The following LAMC1 variants were observed in gnomAD, a reference collection of about 807,000 sequenced individuals.
The protein encoded by LAMC1 is laminin subunit gamma 1, also known as laminin subunit gamma-1.
LAMC1 carries 38 observed loss-of-function variants against 173.6 expected under a neutral mutation model. The ratio of observed to expected loss-of-function variants is 0.22; its 90% CI spans 0.17 to 0.29. The LOEUF (loss-of-function observed/expected upper bound fraction) is 0.29. LAMC1 is among the 10% of genes least tolerant of loss of function. LAMC1 has a pLI of 1.00. For synonymous variants in LAMC1, 746 were observed against 749.1 expected (o/e 1.00, Z 0.07); for missense variants, 1,824 against 2,051.8 (o/e 0.89, Z 2.14).
intron 1 of LAMC1, among the ~76,000 whole-genome samples, chr1:183,052,365 C>G (rs1441444692): frequency 5.9e-5 from 9 of 151,932 alleles, no homozygotes; most frequent in Non-Finnish European, 8.8e-5. Context: ...GACACAGTCT[C>G]ACTCTGTCGC....
chr1:183,103,664 T>C, intron 2 of LAMC1, 32 bp downstream of exon 2: 2 of 1,514,298 alleles, frequency 1.3e-6, no homozygotes, highest in Non-Finnish European at 1.8e-6. Context: ...TGAAGCCAGC[T>C]AGTTCTACAA....
chr1:183,136,461 C>A lies in LAMC1; in HGVS notation c.4190C>A (p.Thr1397Asn), dbSNP rs773833588. 2.5e-6 allele frequency: 4 copies of A among 1,614,198 alleles called. No individual in the cohort carries two copies. In the South Asian group the frequency reaches 4.4e-5, roughly 18 times the overall value. The stretch of plus-strand genomic sequence containing the variant: ...AGGAAGATTCCTGCCATCAACCAGA[C>A]CATCACTGAAGCCAATGAAAAGACC... ...ALRKIPAINQ[T>N]ITEANEKTRE... Residue 1397 changes from threonine to asparagine, a missense_variant, in exon 25 of 28, where the codon ACC (threonine) becomes AAC (asparagine). Physicochemically the swap from Thr to Asn is moderately conservative, Grantham distance 65. Coordinates refer to ENST00000258341, the MANE Select transcript of LAMC1 (RefSeq NM_002293.4).
At chr1:183,124,397 A>T (rs142815707) in intron 13 of LAMC1, among the ~76,000 whole-genome samples, 9 of 152,350 alleles carry the variant, frequency 5.9e-5, no homozygotes, top group African/African-American at 2.2e-4. Context: ...CACAACAATT[A>T]AAGTGAAGTA....
Position 183,045,862 on chromosome 1 carries a change from TTAGTGGTTTTATTTA to T in LAMC1, c.418+21731_418+21745del, listed in dbSNP as rs1302344787. On this transcript the variant is annotated intron_variant, in intron 1 of 27. Transcript: ENST00000258341. ...TCATTTGGTGGTATAAAATTGTATC[TTAGTGGTTTTATTTA>T]TAAAGGAGAGTATCTTTTCATGTGT... Among the ~76,000 whole-genome samples, 3 of 152,086 alleles carry T rather than the reference TTAGTGGTTTTATTTA, an allele frequency of 2.0e-5. No individual in the cohort carries two copies. The East Asian group carries it at 5.8e-4, about 29-fold the overall frequency.
chr1:183,085,406 A>G (rs929349945), intron 1 of LAMC1, among the ~76,000 whole-genome samples: 3 of 152,060 alleles, frequency 2.0e-5, no homozygotes, highest in African/African-American at 7.3e-5. Context: ...TATATCACCC[A>G]GGCTGGAGTG....
At chr1:183,049,145 A>T (rs1466860423) in intron 1 of LAMC1, among the ~76,000 whole-genome samples, 1 of 152,214 alleles carries the variant, frequency 6.6e-6, no homozygotes, top group Admixed American at 6.5e-5. Context: ...TTTTCTTACT[A>T]AATCTTCATA....
chr1:183,026,975 C>A (rs919266824), intron 1 of LAMC1, among the ~76,000 whole-genome samples: 1 of 152,128 alleles, frequency 6.6e-6, no homozygotes, highest in Non-Finnish European at 1.5e-5. Flanking sequence ...ATTAATATGA[C>A]CCTCTAGAAA....
At chr1:183,141,907 T>C (rs1381656436) in intron 27 of LAMC1, among the ~76,000 whole-genome samples, 1 of 152,240 alleles carries the variant, frequency 6.6e-6, no homozygotes, top group Non-Finnish European at 1.5e-5. Context: ...AAATGCTGTC[T>C]ATTGTGTCTG....
At chr1:183,072,980 C>G (rs1169555210) in intron 1 of LAMC1, among the ~76,000 whole-genome samples, 2 of 152,134 alleles carry the variant, frequency 1.3e-5, no homozygotes, top group Non-Finnish European at 2.9e-5. Flanking sequence ...ATAATTATTT[C>G]ATTATATATT....
Position 183,116,618 on chromosome 1 carries a change from A to T in LAMC1, c.1370A>T (p.Asn457Ile). The T allele has an allele frequency of 6.2e-7, 1 of 1,613,396 alleles. No homozygotes were observed. The highest frequency in any genetic ancestry group is 8.5e-7 in the Non-Finnish European group (1 of 1,179,332). The change falls in exon 7 of 28, where the codon AAT becomes ATT. Residue 457 changes from asparagine to isoleucine, a missense_variant. Physicochemically the swap from Asn to Ile is moderately radical, Grantham distance 149 (BLOSUM62 -3). Coordinates refer to ENST00000258341, the MANE Select transcript of LAMC1 (RefSeq NM_002293.4). ...CCCTCTGGCAGCATAGATGAATGTA[A>T]TATTGAAACAGGAAGATGTGTTTGC... ...CDPSGSIDECNIETGRCVCKD... is the reference protein window; with the variant it reads ...CDPSGSIDECIIETGRCVCKD...
chr1:183,041,506 G>A (rs1654132056), intron 1 of LAMC1, among the ~76,000 whole-genome samples: 1 of 152,098 alleles, frequency 6.6e-6, no homozygotes, highest in Admixed American at 6.5e-5. Flanking sequence ...CTAAAATCCA[G>A]TAAGCATATT....
At chr1:183,038,460 T>C (rs1377081426) in intron 1 of LAMC1, among the ~76,000 whole-genome samples, 1 of 152,220 alleles carries the variant, frequency 6.6e-6, no homozygotes, top group East Asian at 1.9e-4. Context: ...CTGCTGTTTT[T>C]TGTTTTGTTT....
intron 1 of LAMC1, among the ~76,000 whole-genome samples, chr1:183,098,866 C>T (rs1655760300): frequency 6.6e-6 from 1 of 152,160 alleles, no homozygotes; most frequent in African/African-American, 2.4e-5. Flanking sequence ...TCTTGTTTTC[C>T]AGCTTCTATT....
At chr1:183,076,844 T>A (rs772615047) in intron 1 of LAMC1, among the ~76,000 whole-genome samples, 8 of 150,862 alleles carry the variant, frequency 5.3e-5, no homozygotes, top group Non-Finnish European at 7.4e-5. Flanking sequence ...TTTGTACACA[T>A]GCAGAAGAAA....
chr1:183,025,333 TA>T (rs66475151), intron 1 of LAMC1, among the ~76,000 whole-genome samples: 75,950 of 151,994 alleles, frequency 0.5, 19,649 homozygotes, highest in South Asian at 0.64. Flanking sequence ...GAATTGGACT[TA>T]ACAAAAAGTA....
Position 183,056,044 on chromosome 1 carries a change from T to C in LAMC1, c.418+31910T>C, listed in dbSNP as rs554223147. ...TATATTTTTATATTTCAGTCCTCTT[T>C]CTTTAGTAAAGATGGAGTAGAACTG... On this transcript the variant is annotated intron_variant, in intron 1 of 27. Transcript: ENST00000258341. 7.9e-5 allele frequency among the ~76,000 whole-genome samples: 12 copies of C among 152,356 alleles called. No individual in the cohort carries two copies. In the South Asian group the frequency reaches 2.5e-3, roughly 32 times the overall value.
chr1:183,084,712 G>A (rs1427131862), intron 1 of LAMC1, among the ~76,000 whole-genome samples: 1 of 152,126 alleles, frequency 6.6e-6, no homozygotes, highest in Non-Finnish European at 1.5e-5. Context: ...GTCCCTATCT[G>A]TACATGTATT....
Position 183,136,476 on chromosome 1 carries a change from A to G in LAMC1, c.4205A>G (p.Asn1402Ser), listed in dbSNP as rs771235090. 27 of 1,614,128 alleles carry G rather than the reference A, an allele frequency of 1.7e-5. No individual in the cohort carries two copies. The highest frequency in any genetic ancestry group is 1.0e-4 in the Admixed American group (6 of 60,014). ...ATCAACCAGACCATCACTGAAGCCA[A>G]TGAAAAGACCAGAGAAGCCCAGCAG... is the stretch of plus-strand genomic sequence containing the variant. ...PAINQTITEA[N>S]EKTREAQQAL... is the part of the protein sequence containing the mutation. The change falls in exon 25 of 28, where the codon AAT becomes AGT. Residue 1402 changes from asparagine (N) to serine (S), a missense_variant. Asn to Ser is a conservative substitution (Grantham distance 46). Transcript: ENST00000258341.
At chr1:183,088,587 A>G (rs2102057128) in intron 1 of LAMC1, among the ~76,000 whole-genome samples, 1 of 152,372 alleles carries the variant, frequency 6.6e-6, no homozygotes, top group Middle Eastern at 3.4e-3. Context: ...AAGCACTATT[A>G]TAGAGCATAC....
Sources: allele counts gnomAD v4.1 joint callset (sites outside exome capture counted in the v4.1 genomes callset), GRCh38; gene constraint gnomAD v4.1.1; transcripts MANE v1.5; gene names NCBI Gene and HGNC (gene_info 2026-07-23, HGNC 2026-07-21).